The following FER variants were observed in gnomAD, a reference collection of about 807,000 sequenced individuals.
FER encodes the protein FER tyrosine kinase, also known as tyrosine-protein kinase Fer.
In FER, 63 loss-of-function variants were observed where a neutral mutation model predicts 111.0. That is an observed-to-expected ratio of 0.57 (90% CI 0.46 to 0.70). The LOEUF is 0.70. FER is among the 30% of genes least tolerant of loss of function. The pLI is 0.00. For missense variants in FER, 914 were observed against 954.0 expected, an observed-to-expected ratio of 0.96 and a Z score of 0.55; for synonymous variants, 327 against 313.9, an observed-to-expected ratio of 1.04 and a Z score of -0.44.
At chr5:108,799,408 C>G (rs1052464929) in intron 3 of FER, among the ~76,000 whole-genome samples, 7 of 152,152 alleles carry the variant, frequency 4.6e-5, no homozygotes, top group Non-Finnish European at 8.8e-5. Context: ...GAGGAAAACT[C>G]TGTTACCTGT....
chr5:108,958,336 A>T (rs1758701502), intron 12 of FER, among the ~76,000 whole-genome samples: 1 of 151,730 alleles, frequency 6.6e-6, no homozygotes, highest in Non-Finnish European at 1.5e-5. Flanking sequence ...GTACTCCCAT[A>T]TCTGTATTTG....
At chr5:109,012,718 C>G (rs983885764) in intron 13 of FER, among the ~76,000 whole-genome samples, 2 of 152,116 alleles carry the variant, frequency 1.3e-5, no homozygotes, top group African/African-American at 4.8e-5. Flanking sequence ...AGGTATGGCT[C>G]AGCATAACTG....
chr5:108,910,697 A>C (rs921766690), intron 10 of FER, among the ~76,000 whole-genome samples: 2 of 151,990 alleles, frequency 1.3e-5, no homozygotes, highest in South Asian at 4.2e-4. Context: ...CAATATACCC[A>C]TTATTTAGCC....
chr5:109,127,499 GT>G (rs1194796328), intron 17 of FER, among the ~76,000 whole-genome samples: 1 of 152,078 alleles, frequency 6.6e-6, no homozygotes, highest in Non-Finnish European at 1.5e-5. Context: ...CACCTCCCAG[GT>G]TCAAGGGGTT....
rs569492491 is a variant in FER at position 109,125,011 on chromosome 5, A to C, written c.2048+24492A>C. On this transcript the variant is annotated intron_variant, in intron 17 of 19. Coordinates refer to ENST00000281092, the MANE Select transcript of FER (RefSeq NM_005246.4). Reference sequence around the variant, plus strand: ...CAGTGAGCCGAGATTGCACCACTGCACTCCAGCCTGGGCGACAGAGTGAGA... The same window carrying C: ...CAGTGAGCCGAGATTGCACCACTGCCCTCCAGCCTGGGCGACAGAGTGAGA... Among the ~76,000 whole-genome samples, 676 of 145,786 alleles carry C rather than the reference A, an allele frequency of 4.6e-3. 6 individuals carry two copies. The highest frequency in any genetic ancestry group is 0.016 in the African/African-American group (644 of 39,156).
chr5:108,859,617 T>A (rs978606535), intron 5 of FER, among the ~76,000 whole-genome samples: 1 of 152,158 alleles, frequency 6.6e-6, no homozygotes, highest in African/African-American at 2.4e-5. Context: ...CAGAACTCCC[T>A]CATTCACAGT....
intron 13 of FER, among the ~76,000 whole-genome samples, chr5:108,983,807 G>C (rs1762259585): frequency 6.6e-6 from 1 of 152,086 alleles, no homozygotes; most frequent in African/African-American, 2.4e-5. Context: ...GCACTACCCA[G>C]ATTCTTCTTC....
intron 2 of FER, among the ~76,000 whole-genome samples, chr5:108,772,286 C>G (rs1347341319): frequency 2.0e-5 from 2 of 102,166 alleles, no homozygotes; most frequent in Non-Finnish European, 4.3e-5. Flanking sequence ...GGTTCGTATT[C>G]AGATCTCCCC....
intron 17 of FER, among the ~76,000 whole-genome samples, chr5:109,129,371 C>T (rs992972175): frequency 6.6e-6 from 1 of 151,946 alleles, no homozygotes; most frequent in Non-Finnish European, 1.5e-5. Flanking sequence ...CTTTTCATAT[C>T]TATGTATACT....
At chr5:108,910,666 T>C (rs1160922841) in intron 10 of FER, among the ~76,000 whole-genome samples, 1 of 152,022 alleles carries the variant, frequency 6.6e-6, no homozygotes, top group Non-Finnish European at 1.5e-5. Flanking sequence ...CCCCAGTGTC[T>C]ATTATTTTCA....
At chr5:109,051,725 G>T in intron 16 of FER, 1 of 1,568,452 alleles carries the variant, frequency 6.4e-7, no homozygotes. Flanking sequence ...GCATGGTAAG[G>T]GTCGCTCTTT....
chr5:109,096,189 C>T (rs543237270), intron 16 of FER, among the ~76,000 whole-genome samples: 1 of 151,968 alleles, frequency 6.6e-6, no homozygotes, highest in Non-Finnish European at 1.5e-5. Flanking sequence ...TAGCAGAAAT[C>T]TTTGAGAAAC....
intron 16 of FER, among the ~76,000 whole-genome samples, chr5:109,053,454 T>C (rs1254859560): frequency 6.6e-6 from 1 of 151,776 alleles, no homozygotes. Flanking sequence ...TGAACAAATC[T>C]GTAGCACCTA....
intron 16 of FER, among the ~76,000 whole-genome samples, chr5:109,074,192 ATAT>A (rs765482574): frequency 4.0e-4 from 61 of 152,298 alleles, no homozygotes; most frequent in Middle Eastern, 3.4e-3. Context: ...GTTCTTTAAA[ATAT>A]TATTATCCTC....
At chr5:108,827,856 T>C (rs1044632204) in intron 3 of FER, among the ~76,000 whole-genome samples, 1 of 139,370 alleles carries the variant, frequency 7.2e-6, no homozygotes, top group African/African-American at 2.7e-5. Flanking sequence ...CAAGACAGGC[T>C]CTTGCTCTGT....
At chr5:108,778,067 T>C (rs1753686802) in intron 2 of FER, among the ~76,000 whole-genome samples, 2 of 152,232 alleles carry the variant, frequency 1.3e-5, no homozygotes, top group Admixed American at 1.3e-4. Flanking sequence ...TAGCCTTTTC[T>C]GATAGACTTC....
chr5:108,994,487 G>C (rs748584440), intron 13 of FER, among the ~76,000 whole-genome samples: 1 of 152,154 alleles, frequency 6.6e-6, no homozygotes, highest in Non-Finnish European at 1.5e-5. Context: ...TTCTGTACCA[G>C]TACCATGCTG....
intron 10 of FER, among the ~76,000 whole-genome samples, chr5:108,898,568 T>C (rs761098350): frequency 8.7e-5 from 10 of 114,806 alleles, no homozygotes; most frequent in African/African-American, 3.3e-4. Context: ...TCCCTTCCCT[T>C]CCCTCCCTTC....
At chr5:108,923,729 A>G (rs1753348008) in intron 10 of FER, among the ~76,000 whole-genome samples, 1 of 152,144 alleles carries the variant, frequency 6.6e-6, no homozygotes, top group South Asian at 2.1e-4. Context: ...CTGACACTTC[A>G]TTTTGTGTTA....
Sources: allele counts gnomAD v4.1 joint callset (sites outside exome capture counted in the v4.1 genomes callset), GRCh38; gene constraint gnomAD v4.1.1; transcripts MANE v1.5; gene names NCBI Gene and HGNC (gene_info 2026-07-23, HGNC 2026-07-21).